SDR42E2: variants seen among roughly 807,000 people sequenced by gnomAD.
SDR42E2 encodes the protein putative short-chain dehydrogenase/reductase family 42E member 2.
SDR42E2 carries 20 observed loss-of-function variants against 10.5 expected under a neutral mutation model. That is an observed-to-expected ratio of 1.90 (90% CI 1.34 to 2.77). The LOEUF is 2.77. Ranked by LOEUF, SDR42E2 falls within the 30% of genes most tolerant of loss-of-function variation. The pLI, the probability that SDR42E2 is intolerant of heterozygous loss-of-function variation, is 0.00. For missense variants in SDR42E2, 162 were observed against 104.2 expected, an observed-to-expected ratio of 1.55 and a Z score of -2.42; for synonymous variants, 72 against 39.2, an observed-to-expected ratio of 1.84 and a Z score of -3.12.
chr16:22,178,102 C>G, intron 7 of SDR42E2, 28 bp from the exon 8 acceptor site: 1 of 700,322 alleles, frequency 1.4e-6, no homozygotes, highest in South Asian at 1.5e-5. Context: ...CCTCCCCTGA[C>G]CCCTGACCAC....
At chr16:22,178,544 G>C (rs562453829) in intron 8 of SDR42E2, among the ~76,000 whole-genome samples, 20 of 152,278 alleles carry the variant, frequency 1.3e-4, no homozygotes, top group African/African-American at 4.8e-4. Context: ...TCCATGCTGA[G>C]AGCACAAGTG....
intron 12 of SDR42E2, among the ~76,000 whole-genome samples, chr16:22,188,882 T>C (rs1001413618): frequency 1.3e-5 from 2 of 152,128 alleles, no homozygotes; most frequent in East Asian, 3.9e-4. Context: ...CAAGAAGACA[T>C]AGTCCTTGCC....
chr16:22,163,443 C>T (rs1362239448), intron 1 of SDR42E2, among the ~76,000 whole-genome samples: 6 of 152,186 alleles, frequency 3.9e-5, no homozygotes, highest in Admixed American at 6.5e-5. Flanking sequence ...CAGTGGCTCA[C>T]GCCTGTAATC....
In SDR42E2 at chr16:22,166,248, A is replaced by G. The variant is rs1444504898; in HGVS notation, c.56-2A>G. 3 of 402,996 alleles carry G rather than the reference A, an allele frequency of 7.4e-6. No homozygotes were observed. The highest frequency in any genetic ancestry group is 1.3e-5 in the Non-Finnish European group (3 of 227,588). 25.0% of individuals were successfully genotyped at this position (402,996 alleles called of 1,614,324 possible). On this transcript the variant is annotated splice_acceptor_variant, in intron 2 of 12. Coordinates refer to ENST00000602312, the MANE Select transcript of SDR42E2 (RefSeq NM_001394319.2). LOFTEE classifies it high-confidence loss of function. The stretch of plus-strand genomic sequence containing the variant: ...GTGAGTCAACAACAACCCCAACACC[A>G]GCGCCGCAGCAGAAGACTCAAGCCA...
At chr16:22,167,188 TTTTTTTTTTTTTTTTG>T (rs2046551000) in intron 4 of SDR42E2, among the ~76,000 whole-genome samples, 189 bp downstream of exon 4, 1 of 128,378 alleles carries the variant, frequency 7.8e-6, no homozygotes, top group Non-Finnish European at 1.7e-5. Flanking sequence ...TTTTTTTTTT[TTTTTTTTTTTTTTTTG>T]AGACTGAGTC....
intron 12 of SDR42E2, among the ~76,000 whole-genome samples, chr16:22,187,241 C>T (rs2046742594): frequency 2.0e-5 from 3 of 152,110 alleles, no homozygotes; most frequent in Admixed American, 6.5e-5. Flanking sequence ...ATATTAAGTA[C>T]CTACTACATA....
At chr16:22,184,447 C>T in intron 11 of SDR42E2, among the ~76,000 whole-genome samples, 1 of 151,904 alleles carries the variant, frequency 6.6e-6, no homozygotes, top group East Asian at 1.9e-4. Flanking sequence ...ACTAAAAATA[C>T]AAAAATCAGC....
chr16:22,172,935 C>A (rs1221706965), intron 7 of SDR42E2, among the ~76,000 whole-genome samples: 3 of 152,114 alleles, frequency 2.0e-5, no homozygotes, highest in Non-Finnish European at 4.4e-5. Flanking sequence ...TGTGTGCCAC[C>A]ATTCCAGGCT....
chr16:22,172,051 G>A (rs142810858), intron 6 of SDR42E2, among the ~76,000 whole-genome samples: 49 of 152,242 alleles, frequency 3.2e-4, no homozygotes, highest in Admixed American at 9.2e-4. Context: ...TTACTGCTCC[G>A]AACCCAGTGC....
At chr16:22,163,213 T>TC (rs1386080719) in intron 1 of SDR42E2, among the ~76,000 whole-genome samples, 2 of 152,174 alleles carry the variant, frequency 1.3e-5, no homozygotes, top group African/African-American at 2.4e-5. Context: ...TAAGTGAGTA[T>TC]CCAAGGCTGA....
chr16:22,184,329 C>T (rs778395368), intron 11 of SDR42E2, 85 bp downstream of exon 11: 78 of 390,486 alleles, frequency 2.0e-4, no homozygotes, highest in Middle Eastern at 8.7e-4. Flanking sequence ...GGGCCAGGCA[C>T]GGTGGCTCAC....
chr16:22,189,773 G>A (rs1380262), intron 12 of SDR42E2, among the ~76,000 whole-genome samples: 1 of 152,162 alleles, frequency 6.6e-6, no homozygotes, highest in Non-Finnish European at 1.5e-5. Context: ...CCTTCTCCTA[G>A]CGGATGCCTA....
intron 6 of SDR42E2, 24 bp downstream of exon 6, chr16:22,170,975 G>A (rs1397555592): frequency 5.5e-5 from 39 of 702,842 alleles, no homozygotes; most frequent in Non-Finnish European, 8.6e-5. Flanking sequence ...GGGAGAGGTG[G>A]GCAGGACCCG....
rs1598143242 is a variant in SDR42E2 at position 22,182,198 on chromosome 16, C to T, written c.811-14C>T. ...GGAGAAGGCTGACCGTCCCCTCCCA[C>T]ATGTCCCCTTCAGAGTGGGCAGGCG... On this transcript the variant is annotated splice_polypyrimidine_tract_variant and intron_variant, in intron 9 of 12. Coordinates refer to ENST00000602312, the MANE Select transcript of SDR42E2 (RefSeq NM_001394319.2). 1 of 405,594 alleles carries T rather than the reference C, an allele frequency of 2.5e-6. No individual in the cohort carries two copies. The allele number at this position is 405,594 out of a possible 1,614,324, so 25.1% of individuals were successfully genotyped here.
chr16:22,187,263 T>C (rs192239432), intron 12 of SDR42E2, among the ~76,000 whole-genome samples: 1 of 152,290 alleles, frequency 6.6e-6, no homozygotes, highest in East Asian at 1.9e-4. Flanking sequence ...AGAATATAAT[T>C]ATTTTTATGA....
chr16:22,182,108 C>T (rs2046700352), intron 9 of SDR42E2, 104 bp from the exon 10 acceptor site: 2 of 409,120 alleles, frequency 4.9e-6, no homozygotes, highest in Non-Finnish European at 8.6e-6. Context: ...ATTGGAGCTG[C>T]TCCAGAGAAC....
intron 12 of SDR42E2, among the ~76,000 whole-genome samples, chr16:22,188,589 A>G (rs1269449119): frequency 1.3e-5 from 2 of 152,352 alleles, no homozygotes; most frequent in Middle Eastern, 3.4e-3. Flanking sequence ...CTTAACCATT[A>G]GCTTGTGAAA....
intron 6 of SDR42E2, 79 bp downstream of exon 6, chr16:22,171,030 A>AGCTCAGAGGGGAGGGAT: frequency 1.4e-6 from 1 of 696,628 alleles, no homozygotes; most frequent in South Asian, 1.5e-5. Context: ...GGGTGGAAGC[A>AGCTCAGAGGGGAGGGAT]GGGTTGGTTT....
chr16:22,178,240 A>T, intron 8 of SDR42E2, 28 bp downstream of exon 8: 1 of 701,646 alleles, frequency 1.4e-6, no homozygotes. Context: ...TCAGGACCCA[A>T]GTCAGAGAAG....
Sources: allele counts gnomAD v4.1 joint callset (sites outside exome capture counted in the v4.1 genomes callset), GRCh38; gene constraint gnomAD v4.1.1; transcripts MANE v1.5; gene names NCBI Gene and HGNC (gene_info 2026-07-23, HGNC 2026-07-21).